Variants in HLCS observed in about 807,000 individuals in gnomAD.
HLCS encodes biotin--protein ligase.
In HLCS, 53 loss-of-function variants were observed where a neutral mutation model predicts 75.0. The observed-to-expected ratio is 0.71, with a 90% CI of 0.57 to 0.89. The LOEUF is 0.89. HLCS is among the 40% of genes least tolerant of loss of function. The pLI is 0.00. For missense variants in HLCS, 966 were observed against 1,074.0 expected (o/e 0.90, Z 1.41); for synonymous variants, 431 against 428.6 (o/e 1.01, Z -0.07).
chr21:36,811,916 T>C (rs2061522469), intron 6 of HLCS, among the ~76,000 whole-genome samples: 1 of 152,074 alleles, frequency 6.6e-6, no homozygotes, highest in Non-Finnish European at 1.5e-5. Context: ...AGACACTGTG[T>C]CTCTCTGGGT....
chr21:36,778,147 T>G (rs913693673), intron 6 of HLCS, among the ~76,000 whole-genome samples: 8 of 151,900 alleles, frequency 5.3e-5, no homozygotes, highest in South Asian at 2.1e-4. Flanking sequence ...TTTTTTGTAT[T>G]TTTAGTAGAG....
At chr21:36,910,326 C>A (rs2065644934) in intron 5 of HLCS, among the ~76,000 whole-genome samples, 1 of 152,102 alleles carries the variant, frequency 6.6e-6, no homozygotes, top group Non-Finnish European at 1.5e-5. Context: ...GGGTGGATCA[C>A]CTGAGGTCAG....
At chr21:36,856,655 C>A (rs1601529664) in intron 6 of HLCS, among the ~76,000 whole-genome samples, 1 of 151,862 alleles carries the variant, frequency 6.6e-6, no homozygotes. Flanking sequence ...TAACACAGTC[C>A]CCCCAGCAAC....
upstream of HLCS, among the ~76,000 whole-genome samples, chr21:36,967,051 C>T (rs2068639760): frequency 6.6e-6 from 1 of 151,898 alleles, no homozygotes; most frequent in Non-Finnish European, 1.5e-5. Context: ...AGGGGAGGCT[C>T]CAGTGGCTGC....
rs541275622 is a variant in HLCS, at chr21:36,753,730, C to G, written c.*516G>C. ...ACAGTAACTCTTGGAAGTCTGTCTT[C>G]CCTTTTCTTCATTAATAAAAACACA... is the stretch of plus-strand genomic sequence containing the variant. On this transcript the variant is annotated 3_prime_UTR_variant, in exon 11 of 11. Transcript: ENST00000674895. This position sits in a 1 kb window ranked among gnomAD's most constrained non-coding sequence, Gnocchi z 4.3. The G allele has an allele frequency of 8.2e-4, 143 of 173,570 alleles. No individual in the cohort carries two copies. Among genetic ancestry groups the G allele is most frequent in the African/African-American group, 3.2e-3 (134 of 41,726 alleles). The allele number at this position is 173,570 out of a possible 1,614,324, so 10.8% of individuals were successfully genotyped here. A position where few individuals can be genotyped will look rare whatever the true frequency, so the allele number is the denominator to read the frequency against.
At chr21:36,889,988 A>G (rs1290660619) in intron 6 of HLCS, among the ~76,000 whole-genome samples, 7 of 152,136 alleles carry the variant, frequency 4.6e-5, no homozygotes, top group Admixed American at 4.6e-4. Flanking sequence ...TAATCGGATC[A>G]TGGGGGTTGT....
chr21:36,792,623 T>C (rs2060904066), intron 6 of HLCS, among the ~76,000 whole-genome samples: 1 of 152,122 alleles, frequency 6.6e-6, no homozygotes, highest in African/African-American at 2.4e-5. Flanking sequence ...ACAATCCCCA[T>C]TTGTAGATGA....
At position 36,750,441 on chromosome 21, in the gene HLCS, G is replaced by A. The variant is rs73210779; in HGVS notation, c.*3805C>T. On this transcript the variant is annotated 3_prime_UTR_variant, in exon 11 of 11. Coordinates refer to ENST00000674895, the MANE Select transcript of HLCS (RefSeq NM_001352514.2). ...GTGGGCTGGGTGTGGAGGGCAGCGC[G>A]GAGGGTATCTGCAAGAGCCTGTATT... Among the ~76,000 whole-genome samples the A allele has an allele frequency of 0.084, 12,789 of 152,216 alleles. 665 individuals carry two copies. Among genetic ancestry groups the A allele is most frequent in the South Asian group, 0.14 (652 of 4,818 alleles).
chr21:36,920,220 G>C (rs568415046), intron 5 of HLCS, among the ~76,000 whole-genome samples: 1 of 151,866 alleles, frequency 6.6e-6, no homozygotes, highest in Non-Finnish European at 1.5e-5. Context: ...TGTAGTCCCC[G>C]CTGCTTGGGA....
At chr21:36,899,179 A>G (rs565639748) in intron 5 of HLCS, among the ~76,000 whole-genome samples, 1 of 152,302 alleles carries the variant, frequency 6.6e-6, no homozygotes, top group South Asian at 2.1e-4. Context: ...CAAAATGTTG[A>G]TAATTATTCA....
intron 5 of HLCS, among the ~76,000 whole-genome samples, chr21:36,926,080 C>G (rs2845813): frequency 6.6e-6 from 1 of 152,164 alleles, no homozygotes; most frequent in African/African-American, 2.4e-5. Context: ...GATCGCACCC[C>G]GGACACCCCA....
chr21:36,925,563 C>T lies in HLCS; in HGVS notation c.1620+4688G>A, dbSNP rs557111931. Reference sequence around the variant, plus strand: ...GGTGCCGACCTTCCTAGGGGTGGCACATCCCACCTTCTTCTGCTTCCTCTG... The same window carrying T: ...GGTGCCGACCTTCCTAGGGGTGGCATATCCCACCTTCTTCTGCTTCCTCTG... On this transcript the variant is annotated intron_variant, in intron 5 of 10. Coordinates refer to ENST00000674895, the MANE Select transcript of HLCS (RefSeq NM_001352514.2). Among the ~76,000 whole-genome samples, 11 of 152,330 alleles carry T rather than the reference C, an allele frequency of 7.2e-5. No homozygotes were observed. In the South Asian group the frequency reaches 2.3e-3, roughly 32 times the overall value.
chr21:36,831,790 T>A (rs113331369), intron 6 of HLCS, among the ~76,000 whole-genome samples: 1,718 of 152,306 alleles, frequency 0.011, 40 homozygotes, highest in African/African-American at 0.039. Flanking sequence ...AGGTCTCCTT[T>A]ATGAGTAGAA....
intron 9 of HLCS, among the ~76,000 whole-genome samples, chr21:36,759,311 A>T (rs893500529): frequency 2.6e-5 from 4 of 152,244 alleles, no homozygotes; most frequent in African/African-American, 9.6e-5. Flanking sequence ...CTTCTTCTGA[A>T]GGTTAAAATG....
chr21:36,845,862 C>T (rs1173726768), intron 6 of HLCS, among the ~76,000 whole-genome samples: 3 of 152,022 alleles, frequency 2.0e-5, no homozygotes, highest in South Asian at 4.2e-4. Flanking sequence ...TGATGGCCAC[C>T]GGAGTATATT....
intron 4 of HLCS, 55 bp downstream of exon 4, chr21:36,936,394 C>A: frequency 2.1e-6 from 3 of 1,460,048 alleles, no homozygotes; most frequent in South Asian, 1.1e-5. Context: ...CATATTCCCT[C>A]GCAAAAATAC....
chr21:36,966,761 G>A (rs2146693975), upstream of HLCS: 1 of 220,720 alleles, frequency 4.5e-6, no homozygotes, highest in African/African-American at 2.4e-5. Context: ...GGTGGGGACG[G>A]CGGGGGAGGC....
chr21:36,778,940 C>T (rs1161129145), intron 6 of HLCS, among the ~76,000 whole-genome samples: 2 of 152,108 alleles, frequency 1.3e-5, no homozygotes, highest in African/African-American at 2.4e-5. Context: ...CAGCCCCTGC[C>T]CTGGAATCAG....
intron 2 of HLCS, among the ~76,000 whole-genome samples, chr21:36,945,671 A>G (rs1251625287): frequency 6.6e-6 from 1 of 152,232 alleles, no homozygotes; most frequent in Admixed American, 6.5e-5. Context: ...GGGAGCAGAC[A>G]GTGAATGCTG....
Sources: gnomAD v4.1 joint callset for allele counts (sites outside exome capture counted in the v4.1 genomes callset) on GRCh38, gnomAD v4.1.1 for gene constraint, Gnocchi (gnomAD v3.1) non-coding constraint, MANE v1.5 for transcripts, NCBI Gene and HGNC (gene_info 2026-07-23, HGNC 2026-07-21) for gene names.